Variants in ULK2 observed in about 807,000 individuals in gnomAD.
The protein encoded by ULK2 is unc-51 like autophagy activating kinase 2.
A neutral mutation model predicts 127.5 loss-of-function variants in ULK2; 76 were observed. The observed-to-expected ratio is 0.60, with a 90% CI of 0.50 to 0.72. ULK2 has a LOEUF of 0.72. Among genes scored for constraint, ULK2 ranks in the 30% least tolerant of loss-of-function variants. The pLI is 0.00. For synonymous variants in ULK2, 452 were observed against 461.9 expected (o/e 0.98, Z 0.28); for missense variants, 1,144 against 1,295.9 (o/e 0.88, Z 1.80).
At chr17:19,849,548 A>T (rs1168303125) in intron 4 of ULK2, 143 bp from the exon 5 acceptor site, 1 of 973,000 alleles carries the variant, frequency 1.0e-6, no homozygotes, top group Non-Finnish European at 1.5e-6. Context: ...AAAATTTTTT[A>T]AATTTTATAT....
At chr17:19,810,340 T>C in intron 14 of ULK2, 38 bp downstream of exon 14, 1 of 1,367,270 alleles carries the variant, frequency 7.3e-7, no homozygotes, top group Admixed American at 2.0e-5. Flanking sequence ...AAATAAAATA[T>C]AAAACAAATT....
chr17:19,821,563 G>A (rs1261126151), intron 12 of ULK2, among the ~76,000 whole-genome samples: 5 of 152,136 alleles, frequency 3.3e-5, no homozygotes, highest in African/African-American at 4.8e-5. Flanking sequence ...TAGAAAGAAG[G>A]GGAAGCATGT....
chr17:19,832,565 T>C (rs536506897), intron 10 of ULK2, among the ~76,000 whole-genome samples: 2 of 152,190 alleles, frequency 1.3e-5, no homozygotes, highest in East Asian at 3.9e-4. Context: ...TGCCCAGCTG[T>C]GCTTGAACTT....
At chr17:19,859,584 C>T (rs967463934) in intron 3 of ULK2, among the ~76,000 whole-genome samples, 7 of 152,170 alleles carry the variant, frequency 4.6e-5, no homozygotes, top group Non-Finnish European at 1.0e-4. Flanking sequence ...TACAGGAACA[C>T]TATAAAAACA....
intron 2 of ULK2, 30 bp downstream of exon 2, chr17:19,865,706 A>G (rs2042337532): frequency 1.5e-6 from 2 of 1,304,572 alleles, no homozygotes; most frequent in Admixed American, 2.5e-5. Flanking sequence ...TTTTAACCTT[A>G]TATGAATACT....
chr17:19,781,242 C>CT (rs200296663), intron 23 of ULK2, 138 bp from the exon 24 acceptor site: 37,601 of 469,042 alleles, frequency 0.08, 98 homozygotes, highest in Middle Eastern at 0.093. Flanking sequence ...TCTTTCTTTT[C>CT]TTTTTTTTTT....
intron 26 of ULK2, among the ~76,000 whole-genome samples, chr17:19,777,208 G>A (rs1241499391): frequency 2.0e-5 from 3 of 152,170 alleles, no homozygotes; most frequent in East Asian, 1.9e-4. Flanking sequence ...GGGTTCAAGC[G>A]ATTCTCCTGT....
intron 13 of ULK2, among the ~76,000 whole-genome samples, chr17:19,812,055 T>C (rs933224030): frequency 2.0e-5 from 3 of 152,144 alleles, no homozygotes; most frequent in Non-Finnish European, 2.9e-5. Flanking sequence ...TTTGACTTAG[T>C]TGACCCAAGA....
At chr17:19,800,500 T>C (rs1305027788) in intron 16 of ULK2, among the ~76,000 whole-genome samples, 1 of 152,230 alleles carries the variant, frequency 6.6e-6, no homozygotes, top group Non-Finnish European at 1.5e-5. Flanking sequence ...CAGGGGCTGC[T>C]ACAGGGGTGA....
In ULK2 at chr17:19,795,631, T is replaced by C; in HGVS notation, c.2092A>G (p.Met698Val). The change falls in exon 20 of 27, where the codon ATG (methionine) becomes GTG (valine). Residue 698 changes from methionine (M) to valine (V), a missense_variant. This residue lies in a region of ULK2 where 913 missense variants were observed against 970.5 expected (regional missense o/e 0.94). Coordinates refer to ENST00000395544, the MANE Select transcript of ULK2 (RefSeq NM_014683.4). ...ACTACATTTTTCTTACCTATATCCA[T>C]TGGTCGTTCTGTATTTAAACTGTCT... ...STDSLNTERP[M>V]DIAPAGACGG... 6.2e-7 allele frequency: 1 copy of C among 1,613,720 alleles called. No individual in the cohort carries two copies. Among genetic ancestry groups the C allele is most frequent in the Non-Finnish European group, 8.5e-7 (1 of 1,179,634 alleles).
intron 23 of ULK2, 138 bp from the exon 24 acceptor site, chr17:19,781,242 C>CTTTT (rs200296663): frequency 9.1e-5 from 43 of 472,068 alleles, no homozygotes; most frequent in East Asian, 1.5e-4. Flanking sequence ...TCTTTCTTTT[C>CTTTT]TTTTTTTTTT....
chr17:19,821,283 G>C (rs1191075337), intron 12 of ULK2, among the ~76,000 whole-genome samples: 2 of 152,002 alleles, frequency 1.3e-5, no homozygotes, highest in Non-Finnish European at 2.9e-5. Flanking sequence ...CTCCAGCCTG[G>C]GTGACAGAGT....
intron 11 of ULK2, 110 bp from the exon 12 acceptor site, chr17:19,825,292 G>A (rs531502565): frequency 2.5e-6 from 2 of 811,824 alleles, no homozygotes; most frequent in East Asian, 5.4e-5. Context: ...CCCAAAATCT[G>A]CATTTACCTA....
intron 3 of ULK2, among the ~76,000 whole-genome samples, chr17:19,854,061 C>G (rs1299562960): frequency 6.6e-6 from 1 of 151,938 alleles, no homozygotes; most frequent in Non-Finnish European, 1.5e-5. Flanking sequence ...GGCCAATCAC[C>G]TGAGGTCAGG....
rs1202682439 is a variant in ULK2 at position 19,849,598 on chromosome 17, A to G, written c.258+144T>C. ...CTAGATCACTGAATCAACTTTATTA[A>G]TACAAAAATTCAAATAATCTACTAC... On this transcript the variant is annotated intron_variant, in intron 4 of 26. Transcript: ENST00000395544. 4.8e-6 allele frequency: 4 copies of G among 827,064 alleles called. No individual in the cohort carries two copies. The African/African-American group carries it at 7.0e-5, about 15-fold the overall frequency. The allele number at this position is 827,064 out of a possible 1,614,324, so 51.2% of individuals were successfully genotyped here. A position where few individuals can be genotyped will look rare whatever the true frequency, so the allele number is the denominator to read the frequency against.
intron 10 of ULK2, among the ~76,000 whole-genome samples, chr17:19,838,236 A>G (rs751195946): frequency 6.7e-6 from 1 of 149,310 alleles, no homozygotes; most frequent in Non-Finnish European, 1.5e-5. Context: ...AACTTCTAAT[A>G]TAATATATAA....
chr17:19,804,060 ACTCT>A (rs555530626), intron 15 of ULK2, among the ~76,000 whole-genome samples: 1 of 151,430 alleles, frequency 6.6e-6, no homozygotes, highest in Admixed American at 6.6e-5. Flanking sequence ...AATTTACTGA[ACTCT>A]CTCTCTCACT....
In ULK2 at chr17:19,772,083, G is replaced by A. The variant is rs2086743541; in HGVS notation, c.*4266C>T. The A allele has an allele frequency of 6.6e-6, 1 of 152,456 alleles. No individual in the cohort carries two copies. The highest frequency in any genetic ancestry group is 1.5e-5 in the Non-Finnish European group (1 of 68,244). The allele number at this position is 152,456 out of a possible 1,614,324, so 9.4% of individuals were successfully genotyped here. The stretch of plus-strand genomic sequence containing the variant: ...GTGCCCAGGGGCTCCACAGGGCTGG[G>A]TCCTGGCTCTGGCCATCTCTGCACA... On this transcript the variant is annotated 3_prime_UTR_variant, in exon 27 of 27. Transcript: ENST00000395544.
chr17:19,791,835 C>A (rs1220471693), intron 20 of ULK2, among the ~76,000 whole-genome samples: 3 of 140,446 alleles, frequency 2.1e-5, no homozygotes, highest in Admixed American at 7.1e-5. Context: ...TCCAGCAACA[C>A]CCTGTTTACA....
Sources: gnomAD v4.1 joint callset for allele counts (sites outside exome capture counted in the v4.1 genomes callset) on GRCh38, gnomAD v4.1.1 for gene constraint, gnomAD v4.1.1 regional missense constraint, MANE v1.5 for transcripts, NCBI Gene and HGNC (gene_info 2026-07-23, HGNC 2026-07-21) for gene names.